Variants in RBM47 observed in about 807,000 individuals in gnomAD.
RBM47 encodes RNA-binding protein 47.
In RBM47, 21 loss-of-function variants were observed where a neutral mutation model predicts 47.1. The observed-to-expected ratio is 0.45, with a 90% CI of 0.32 to 0.64. RBM47 has a LOEUF of 0.64. RBM47 is among the 30% of genes least tolerant of loss of function. The pLI is 0.05. For synonymous variants in RBM47, 375 were observed against 361.7 expected, an observed-to-expected ratio of 1.04 and a Z score of -0.42; for missense variants, 708 against 870.9, an observed-to-expected ratio of 0.81 and a Z score of 2.35.
At chr4:40,481,470 TATTATTATTATTA>T (rs1218983910) in intron 2 of RBM47, among the ~76,000 whole-genome samples, 2 of 131,336 alleles carry the variant, frequency 1.5e-5, no homozygotes, top group African/African-American at 5.3e-5. Context: ...TTATTATTAT[TATTATTATTATTA>T]TTATTTTTAT....
intron 1 of RBM47, among the ~76,000 whole-genome samples, chr4:40,616,962 G>T (rs1171721861): frequency 7.3e-6 from 1 of 137,794 alleles, no homozygotes; most frequent in African/African-American, 2.7e-5. Flanking sequence ...TGCAACCTCC[G>T]CCTCCCAGAT....
intron 1 of RBM47, among the ~76,000 whole-genome samples, chr4:40,612,359 A>C (rs1318277884): frequency 6.6e-6 from 1 of 152,302 alleles, no homozygotes; most frequent in Non-Finnish European, 1.5e-5. Flanking sequence ...AACACACACA[A>C]AAAATAGCCA....
intron 2 of RBM47, among the ~76,000 whole-genome samples, chr4:40,536,633 T>C (rs926734577): frequency 5.3e-5 from 8 of 152,156 alleles, no homozygotes; most frequent in African/African-American, 1.4e-4. Context: ...TGTAGGTAAT[T>C]GTCTGCTTCC....
intron 1 of RBM47, among the ~76,000 whole-genome samples, chr4:40,616,874 C>CTTTTTTTTTTTTTTTTT (rs1300005872): frequency 4.5e-5 from 5 of 111,668 alleles, no homozygotes; most frequent in Non-Finnish European, 6.9e-5. Flanking sequence ...ATTTTCTTTT[C>CTTTTTTTTTTTTTTTTT]TTTTTTTTTT....
intron 2 of RBM47, among the ~76,000 whole-genome samples, chr4:40,478,487 G>A (rs1719953822): frequency 6.6e-6 from 1 of 152,174 alleles, no homozygotes; most frequent in African/African-American, 2.4e-5. Context: ...ACAGAAGCCT[G>A]GGATGAGATA....
chr4:40,531,568 T>G (rs73147535), intron 2 of RBM47, among the ~76,000 whole-genome samples: 4,739 of 152,196 alleles, frequency 0.031, 260 homozygotes, highest in African/African-American at 0.1. Flanking sequence ...GCAACTCTGA[T>G]AGCTAGGCAC....
intron 2 of RBM47, among the ~76,000 whole-genome samples, chr4:40,527,979 CACTTT>C (rs1442137539): frequency 6.6e-6 from 1 of 152,188 alleles, no homozygotes; most frequent in Non-Finnish European, 1.5e-5. Context: ...AAAATTCATA[CACTTT>C]ACTTTAATGG....
At chr4:40,582,770 C>T (rs1733079195) in intron 1 of RBM47, among the ~76,000 whole-genome samples, 1 of 152,142 alleles carries the variant, frequency 6.6e-6, no homozygotes, top group African/African-American at 2.4e-5. Flanking sequence ...ACCTTATACC[C>T]TACTCTCAAC....
At chr4:40,610,689 CA>C (rs1357436905) in intron 1 of RBM47, among the ~76,000 whole-genome samples, 4 of 151,186 alleles carry the variant, frequency 2.6e-5, no homozygotes, top group Non-Finnish European at 5.9e-5. Context: ...TGTTCCCATT[CA>C]AATCTCAACT....
chr4:40,612,364 T>C (rs1034668909), intron 1 of RBM47, among the ~76,000 whole-genome samples: 2 of 152,102 alleles, frequency 1.3e-5, no homozygotes, highest in Admixed American at 6.6e-5. Flanking sequence ...ACACAAAAAA[T>C]AGCCACGTGT....
intron 2 of RBM47, among the ~76,000 whole-genome samples, chr4:40,535,868 T>A (rs918843340): frequency 3.3e-5 from 5 of 151,978 alleles, no homozygotes; most frequent in Admixed American, 6.6e-5. Flanking sequence ...TCGTATATAT[T>A]TTTTTTCCCC....
rs1169464026 is a variant in RBM47 at position 40,444,356 on chromosome 4, GTGGGCCAAATA to G, written c.-31-5443_-31-5433del. ...AGATTAGCATTGGCAAGCTATGGCTGTGGGCCAAATATGGCCTGCTGTTTGTTTCTATAAAT... is the reference window on the plus strand; with the variant it reads ...AGATTAGCATTGGCAAGCTATGGCTGTGGCCTGCTGTTTGTTTCTATAAAT... On this transcript the variant is annotated intron_variant, in intron 3 of 6. Coordinates refer to ENST00000295971, the MANE Select transcript of RBM47 (RefSeq NM_001098634.2). 1.0e-3 allele frequency among the ~76,000 whole-genome samples: 153 copies of G among 152,134 alleles called. 1 individual carries two copies. The Middle Eastern group carries it at 0.01, about 10-fold the overall frequency.
At chr4:40,563,380 T>C (rs989885299) in intron 1 of RBM47, among the ~76,000 whole-genome samples, 1 of 151,972 alleles carries the variant, frequency 6.6e-6, no homozygotes, top group Non-Finnish European at 1.5e-5. Context: ...TTCCCCATCT[T>C]TAAAAAAATG....
intron 1 of RBM47, among the ~76,000 whole-genome samples, chr4:40,589,944 G>A (rs1733973331): frequency 6.6e-6 from 1 of 151,880 alleles, no homozygotes; most frequent in Non-Finnish European, 1.5e-5. Context: ...AGAATCCTGA[G>A]CCCAACAATC....
intron 2 of RBM47, among the ~76,000 whole-genome samples, chr4:40,494,761 G>C (rs1007951119): frequency 6.6e-6 from 1 of 152,076 alleles, no homozygotes; most frequent in African/African-American, 2.4e-5. Context: ...AGTCCTTTGG[G>C]GGAATTTCTC....
intron 1 of RBM47, among the ~76,000 whole-genome samples, chr4:40,588,992 CTTTTTTTT>C (rs34195998): frequency 2.5e-4 from 20 of 79,490 alleles, no homozygotes; most frequent in East Asian, 3.8e-4. Flanking sequence ...TAAAGCGTTT[CTTTTTTTT>C]TTTTTTTTTT....
At chr4:40,457,102 A>T (rs1309951079) in intron 3 of RBM47, among the ~76,000 whole-genome samples, 1 of 152,098 alleles carries the variant, frequency 6.6e-6, no homozygotes, top group Non-Finnish European at 1.5e-5. Context: ...TCCAAATATA[A>T]AAGATAGAAT....
intron 1 of RBM47, among the ~76,000 whole-genome samples, chr4:40,588,312 C>A (rs1733787594): frequency 6.6e-6 from 1 of 152,150 alleles, no homozygotes; most frequent in African/African-American, 2.4e-5. Flanking sequence ...GCTCCTCAAC[C>A]AAGGTAATCA....
chr4:40,623,905 G>A (rs1737493873), intron 1 of RBM47, among the ~76,000 whole-genome samples: 1 of 151,962 alleles, frequency 6.6e-6, no homozygotes, highest in South Asian at 2.1e-4. Flanking sequence ...AGGCTGGAGT[G>A]CAGTGACGCA....
Sources: gnomAD v4.1 joint callset for allele counts (sites outside exome capture counted in the v4.1 genomes callset) on GRCh38, gnomAD v4.1.1 for gene constraint, MANE v1.5 for transcripts, NCBI Gene and HGNC (gene_info 2026-07-23, HGNC 2026-07-21) for gene names.